Variants in TMEM198 observed in about 807,000 individuals in gnomAD.
TMEM198 encodes the protein transmembrane protein 198.
A neutral mutation model predicts 31.5 loss-of-function variants in TMEM198; 21 were observed. The ratio of observed to expected loss-of-function variants is 0.67; its 90% CI spans 0.47 to 0.96. The LOEUF (loss-of-function observed/expected upper bound fraction) is 0.96, where lower values mean the gene tolerates loss of function less well. Ranked by LOEUF, TMEM198 falls within the 40% of genes least tolerant of loss-of-function variation. TMEM198 has a pLI of 0.00. For synonymous variants in TMEM198, 211 were observed against 223.3 expected, an observed-to-expected ratio of 0.95 and a Z score of 0.49; for missense variants, 447 against 499.4, an observed-to-expected ratio of 0.89 and a Z score of 1.00.
Position 219,544,132 on chromosome 2 carries a change from T to C in TMEM198, c.-285T>C, listed in dbSNP as rs1289161161. ...CGGCCCGAGCCCCGGCTCCTGCGCC[T>C]TCCCCTTCCTCAGGCCCAGCCCGAG... is the stretch of plus-strand genomic sequence containing the variant. On this transcript the variant is annotated 5_prime_UTR_variant, in exon 1 of 5. Transcript: ENST00000373883. 1 of 455,596 alleles carries C rather than the reference T, an allele frequency of 2.2e-6. No homozygotes were observed. The highest frequency in any genetic ancestry group is 2.0e-5 in the African/African-American group (1 of 50,014). The allele number at this position is 455,596 out of a possible 1,614,324, so 28.2% of individuals were successfully genotyped here.
intron 3 of TMEM198, among the ~76,000 whole-genome samples, chr2:219,548,543 C>G (rs1574506851): frequency 6.6e-6 from 1 of 152,126 alleles, no homozygotes; most frequent in Admixed American, 6.5e-5. Context: ...GCCAGCCATG[C>G]AAAGAGCTAG....
At chr2:219,544,561 C>T (rs1695351708) in intron 1 of TMEM198, 128 bp from the exon 2 acceptor site, 2 of 739,476 alleles carry the variant, frequency 2.7e-6, no homozygotes, top group Non-Finnish European at 4.4e-6. Flanking sequence ...GAGATGCTTC[C>T]GGAGCTGCAC....
Position 219,547,669 on chromosome 2 carries a change from C to T in TMEM198, c.330C>T (p.Ala110=). The T allele has an allele frequency of 6.5e-7, 1 of 1,539,888 alleles. No individual in the cohort carries two copies. Among genetic ancestry groups the T allele is most frequent in the Non-Finnish European group, 8.7e-7 (1 of 1,143,842 alleles). Residue 110 remains alanine (A), a synonymous_variant, in exon 3 of 5, where the codon GCC becomes GCT. Coordinates refer to ENST00000373883, the MANE Select transcript of TMEM198 (RefSeq NM_001005209.3). The stretch of plus-strand genomic sequence containing the variant: ...TCGGGCTGCTCTGCGGGCTGGTGGC[C>T]ATGCTAGTGCGCAGCGTGGGCCTCT... The part of the protein sequence containing the change: ...LGIGLLCGLV[A]MLVRSVGLFL...
At chr2:219,549,110 C>T (rs371999811) in intron 3 of TMEM198, 42 bp from the exon 4 acceptor site, 81 of 1,607,940 alleles carry the variant, frequency 5.0e-5, no homozygotes, top group Non-Finnish European at 4.3e-5. Flanking sequence ...GGAAACAAGG[C>T]GCACCGTCCT....
At chr2:219,543,869 G>C (rs1348376659), upstream of TMEM198, 16 of 375,636 alleles carry the variant, frequency 4.3e-5, no homozygotes, top group Non-Finnish European at 4.9e-6. Context: ...GAGGAGAAGG[G>C]GGAGGTTAAA....
chr2:219,549,780 C>T lies in TMEM198; in HGVS notation c.1009C>T (p.Pro337Ser), dbSNP rs199925077. The change falls in exon 5 of 5, where the codon CCC becomes TCC. Residue 337 changes from proline (P) to serine (S), a missense_variant. Physicochemically the swap from Pro to Ser is moderately conservative, Grantham distance 74. Coordinates refer to ENST00000373883, the MANE Select transcript of TMEM198 (RefSeq NM_001005209.3). ...GSSLSSFMAS[P>S]TDADYEYGSR... ...CTCCCTGAGCTCCTTCATGGCCTCACCCACAGATGCGGACTATGAGTATGG... is the reference window on the plus strand; with the variant it reads ...CTCCCTGAGCTCCTTCATGGCCTCATCCACAGATGCGGACTATGAGTATGG... The T allele has an allele frequency of 6.8e-6, 11 of 1,614,040 alleles. No homozygotes were observed. The Admixed American group carries it at 1.7e-4, about 24-fold the overall frequency.
rs769473077 is a variant in TMEM198, at chr2:219,549,227, G to A, written c.818G>A (p.Arg273Gln). 31 of 1,613,906 alleles carry A rather than the reference G, an allele frequency of 1.9e-5. No individual in the cohort carries two copies. The highest frequency in any genetic ancestry group is 1.6e-4 in the Middle Eastern group (1 of 6,084). ...RQQEDRKEKR[R>Q]KKRPPRAPLR... ...CAGGAAGATCGCAAGGAGAAAAGGC[G>A]GAAAAAGAGACCTCCTCGGGCTCCC... is the stretch of plus-strand genomic sequence containing the variant. Residue 273 changes from arginine to glutamine, a missense_variant, in exon 4 of 5, where the codon CGG becomes CAG. By Grantham distance (43) the Arg-to-Gln change is conservative (BLOSUM62 1). Coordinates refer to ENST00000373883, the MANE Select transcript of TMEM198 (RefSeq NM_001005209.3).
In TMEM198 at chr2:219,549,785, A is replaced by C; in HGVS notation, c.1014A>C (p.Thr338=). The C allele has an allele frequency of 6.2e-7, 1 of 1,614,122 alleles. No homozygotes were observed. The highest frequency in any genetic ancestry group is 8.5e-7 in the Non-Finnish European group (1 of 1,180,020). The change falls in exon 5 of 5, where the codon ACA becomes ACC. Residue 338 remains threonine, a synonymous_variant. Coordinates refer to ENST00000373883, the MANE Select transcript of TMEM198 (RefSeq NM_001005209.3). ...TGAGCTCCTTCATGGCCTCACCCAC[A>C]GATGCGGACTATGAGTATGGGTCCC... is the stretch of plus-strand genomic sequence containing the variant. ...SSLSSFMASP[T]DADYEYGSRG... is the part of the protein sequence containing the mutation.
intron 3 of TMEM198, among the ~76,000 whole-genome samples, chr2:219,548,778 C>T (rs1016059593): frequency 2.6e-5 from 4 of 152,160 alleles, no homozygotes; most frequent in Non-Finnish European, 4.4e-5. Flanking sequence ...TTTTGGGATG[C>T]TCATTCTGCT....
chr2:219,550,079 T>A lies in TMEM198; in HGVS notation c.*225T>A. The A allele has an allele frequency of 3.5e-6, 2 of 573,146 alleles. No individual in the cohort carries two copies. The highest frequency in any genetic ancestry group is 6.1e-6 in the Non-Finnish European group (2 of 327,848). The allele number at this position is 573,146 out of a possible 1,614,324, so 35.5% of individuals were successfully genotyped here. A position where few individuals can be genotyped will look rare whatever the true frequency, so the allele number is the denominator to read the frequency against. On this transcript the variant is annotated 3_prime_UTR_variant, in exon 5 of 5. Transcript: ENST00000373883. ...TGAGGAACTCGGGGTGTGAACCCCA[T>A]TGGGGTGTGCTCAGGGTTGTGAGTG... is the stretch of plus-strand genomic sequence containing the variant.
chr2:219,549,335 A>G lies in TMEM198; in HGVS notation c.926A>G (p.Asn309Ser), dbSNP rs564632806. The change falls in exon 4 of 5, where the codon AAT becomes AGT. Residue 309 changes from asparagine to serine, a missense_variant. Transcript: ENST00000373883. ...AGGCCAGTGCCCATCAAACGCTTCAATGGAGACGTCCTCTCCCCGGTGAGC... is the reference window on the plus strand; with the variant it reads ...AGGCCAGTGCCCATCAAACGCTTCAGTGGAGACGTCCTCTCCCCGGTGAGC... ...RRRPVPIKRF[N>S]GDVLSPSYIQ... The G allele has an allele frequency of 1.2e-4, 193 of 1,613,316 alleles. No individual in the cohort carries two copies. The highest frequency in any genetic ancestry group is 2.0e-4 in the South Asian group (18 of 91,068).
intron 4 of TMEM198, 118 bp from the exon 5 acceptor site, chr2:219,549,599 G>C: frequency 6.7e-7 from 1 of 1,484,726 alleles, no homozygotes; most frequent in South Asian, 1.3e-5. Context: ...TCTCAGGGCT[G>C]TGGACTCTGG....
chr2:219,543,979 T>G, upstream of TMEM198: 1 of 350,420 alleles, frequency 2.9e-6, no homozygotes, highest in South Asian at 2.1e-5. Context: ...GCGTCCCATG[T>G]GACGTCAGAA....
chr2:219,543,816 C>A (rs189074952), upstream of TMEM198: 293 of 442,968 alleles, frequency 6.6e-4, 3 homozygotes, highest in East Asian at 0.011. Context: ...CTGCAAGGGC[C>A]CCGCCCCCGG....
chr2:219,543,940 A>T (rs1695335569), upstream of TMEM198: 1 of 348,134 alleles, frequency 2.9e-6, no homozygotes, highest in Admixed American at 3.9e-5. Context: ...CCGGGGGCGG[A>T]GTCCCCTGCC....
In TMEM198 at chr2:219,547,999, G is replaced by T. The variant is rs571194164; in HGVS notation, c.660G>T (p.Leu220=). ...VPPLCWRSWA[L]LALWPLLSLM... is the part of the protein sequence containing the mutation. Reference sequence around the variant, plus strand: ...CACTCTGCTGGCGAAGCTGGGCCCTGCTGGCACTCTGGCCCCTGCTCAGCC... The same window carrying T: ...CACTCTGCTGGCGAAGCTGGGCCCTTCTGGCACTCTGGCCCCTGCTCAGCC... The change falls in exon 3 of 5, where the codon CTG becomes CTT. Residue 220 remains leucine (L), a synonymous_variant. Transcript: ENST00000373883. 3.1e-6 allele frequency: 5 copies of T among 1,588,980 alleles called. No individual in the cohort carries two copies. In the African/African-American group the frequency reaches 6.7e-5, roughly 21 times the overall value.
Position 219,548,086 on chromosome 2 carries a change from G to A in TMEM198, c.742+5G>A, listed in dbSNP as rs1233919970. 54 of 1,536,792 alleles carry A rather than the reference G, an allele frequency of 3.5e-5. No individual in the cohort carries two copies. The highest frequency in any genetic ancestry group is 4.7e-5 in the Non-Finnish European group (54 of 1,142,360). On this transcript the variant is annotated splice_donor_5th_base_variant and intron_variant, in intron 3 of 4. Transcript: ENST00000373883. ...AGGGGGACTCCCACACGGAAGGTAA[G>A]GGGGCACAGGCCAAGGTGGACATGA...
rs1221685885 is a variant in TMEM198 at position 219,544,364 on chromosome 2, C to G, written c.-53C>G. The G allele has an allele frequency of 2.1e-6, 1 of 486,624 alleles. No homozygotes were observed. The highest frequency in any genetic ancestry group is 4.1e-6 in the Non-Finnish European group (1 of 244,058). 30.1% of individuals were successfully genotyped at this position (486,624 alleles called of 1,614,324 possible). A position where few individuals can be genotyped will look rare whatever the true frequency, so the allele number is the denominator to read the frequency against. On this transcript the variant is annotated 5_prime_UTR_variant, in exon 1 of 5. Coordinates refer to ENST00000373883, the MANE Select transcript of TMEM198 (RefSeq NM_001005209.3). ...GCCTCTTTCACTCAGAAGCTCAGGTCGCCTCCAGCCCAGGTAAATCTTGGA... is the reference window on the plus strand; with the variant it reads ...GCCTCTTTCACTCAGAAGCTCAGGTGGCCTCCAGCCCAGGTAAATCTTGGA...
rs2105990901 is a variant in TMEM198, at chr2:219,544,909, C to T, written c.166+16C>T. ...TGCTTCTTCGGTGAGATCCCCATCT[C>T]ATCCCTCACCTGGGCTCCCCAGTGT... On this transcript the variant is annotated intron_variant, in intron 2 of 4. Coordinates refer to ENST00000373883, the MANE Select transcript of TMEM198 (RefSeq NM_001005209.3). 6.2e-7 allele frequency: 1 copy of T among 1,609,824 alleles called. No homozygotes were observed. Among genetic ancestry groups the T allele is most frequent in the East Asian group, 2.2e-5 (1 of 44,766 alleles).
Sources: gnomAD v4.1 joint callset for allele counts (sites outside exome capture counted in the v4.1 genomes callset) on GRCh38, gnomAD v4.1.1 for gene constraint, MANE v1.5 for transcripts, NCBI Gene and HGNC (gene_info 2026-07-23, HGNC 2026-07-21) for gene names.